The following ABR variants were observed in gnomAD, a reference collection of about 807,000 sequenced individuals.
The protein encoded by ABR is ABR activator of RhoGEF and GTPase, also known as active breakpoint cluster region-related protein.
In ABR, 35 loss-of-function variants were observed where a neutral mutation model predicts 107.2. The ratio of observed to expected loss-of-function variants is 0.33; its 90% CI spans 0.25 to 0.43. The LOEUF (loss-of-function observed/expected upper bound fraction) is 0.43. ABR is among the 20% of genes least tolerant of loss of function. The pLI is 1.00. For missense variants in ABR, 815 were observed against 1,115.2 expected, an observed-to-expected ratio of 0.73 and a Z score of 3.83; for synonymous variants, 498 against 462.0, an observed-to-expected ratio of 1.08 and a Z score of -1.00.
chr17:1,079,752 G>GCAC (rs2036062410), intron 5 of ABR, among the ~76,000 whole-genome samples: 3 of 122,406 alleles, frequency 2.5e-5, no homozygotes, highest in Non-Finnish European at 4.8e-5. Flanking sequence ...TCACACCATT[G>GCAC]CACTCCAGCC....
intron 1 of ABR, among the ~76,000 whole-genome samples, chr17:1,146,883 A>G (rs62069437): frequency 7.3e-6 from 1 of 136,300 alleles, no homozygotes; most frequent in Non-Finnish European, 1.6e-5. Flanking sequence ...GCTACATGAC[A>G]CCACTGCCGC....
chr17:1,087,457 C>T (rs532389704), intron 4 of ABR, among the ~76,000 whole-genome samples: 3 of 152,098 alleles, frequency 2.0e-5, no homozygotes, highest in African/African-American at 7.2e-5. Context: ...TGGGGACGCC[C>T]GGCGTGACGC....
chr17:1,190,243 A>C (rs1283785702), upstream of ABR, among the ~76,000 whole-genome samples: 1 of 152,220 alleles, frequency 6.6e-6, no homozygotes, highest in Non-Finnish European at 1.5e-5. Context: ...CCAACATGGA[A>C]ACGGCATAGA....
chr17:1,049,854 C>T (rs1212203836), intron 16 of ABR, 196 bp downstream of exon 16: 3 of 672,476 alleles, frequency 4.5e-6, no homozygotes, highest in Non-Finnish European at 7.4e-6. Context: ...TGAGGAGCCA[C>T]GCACACGCCT....
intron 1 of ABR, among the ~76,000 whole-genome samples, chr17:1,197,880 TG>T (rs1418487467): frequency 6.6e-6 from 1 of 151,650 alleles, no homozygotes; most frequent in Non-Finnish European, 1.5e-5. Flanking sequence ...TAACTGGAGC[TG>T]GGCTCCTCAG....
chr17:1,050,256 A>C lies in ABR; in HGVS notation c.1660-75T>G. 1.3e-6 allele frequency: 2 copies of C among 1,539,146 alleles called. No individual in the cohort carries two copies. The highest frequency in any genetic ancestry group is 2.2e-5 in the East Asian group (1 of 44,506). ...TGGCTTTCCGGCAGGTGCGTGCCTC[A>C]GCTTTGCAAGGAGGAGGGAGTAAGC... On this transcript the variant is annotated intron_variant, in intron 15 of 22. Transcript: ENST00000302538. The surrounding 1 kb of genome is among the most constrained non-coding windows in gnomAD (Gnocchi z 4.6).
intron 3 of ABR, among the ~76,000 whole-genome samples, chr17:1,093,111 G>A (rs548244549): frequency 1.2e-4 from 18 of 147,914 alleles, no homozygotes; most frequent in African/African-American, 1.5e-4. Context: ...GTGAGCCACC[G>A]CGCCCGGCCA....
chr17:1,054,446 C>G (rs1183769852), intron 14 of ABR, among the ~76,000 whole-genome samples: 1 of 151,636 alleles, frequency 6.6e-6, no homozygotes, highest in Non-Finnish European at 1.5e-5. Context: ...TTGCCCTGAG[C>G]AGGATGGGGG....
intron 2 of ABR, among the ~76,000 whole-genome samples, chr17:1,104,810 G>A (rs2038133953): frequency 6.6e-6 from 1 of 152,162 alleles, no homozygotes; most frequent in Admixed American, 6.5e-5. Flanking sequence ...CCAAATTCCA[G>A]TGGCCCCTCT....
intron 16 of ABR, chr17:1,022,402 T>G (rs1027493021): frequency 2.6e-5 from 4 of 152,484 alleles, no homozygotes; most frequent in African/African-American, 9.7e-5. Context: ...GGCCTGTCAT[T>G]GGGGCAGACC....
In ABR at chr17:1,150,514, G is replaced by A. The variant is rs1040546336; in HGVS notation, c.62-25147C>T. On this transcript the variant is annotated intron_variant, in intron 1 of 22. Transcript: ENST00000302538. This position sits in a 1 kb window ranked among gnomAD's most constrained non-coding sequence, Gnocchi z 4.8. ...CGGCACACGTGTGGGCAATACACAG[G>A]TTGCCCAAGCGCCGAGAGAGGCCCA... 1.6e-4 allele frequency among the ~76,000 whole-genome samples: 25 copies of A among 152,174 alleles called. No individual in the cohort carries two copies. Among genetic ancestry groups the A allele is most frequent in the African/African-American group, 5.8e-4 (24 of 41,450 alleles).
At chr17:1,036,646 C>T (rs1038453638) in intron 16 of ABR, among the ~76,000 whole-genome samples, 13 of 151,992 alleles carry the variant, frequency 8.6e-5, no homozygotes, top group African/African-American at 3.1e-4. Flanking sequence ...GCCCAGCGCC[C>T]ACACAGGGCG....
intron 3 of ABR, among the ~76,000 whole-genome samples, chr17:1,100,122 G>A (rs564536253): frequency 2.8e-4 from 31 of 110,504 alleles, no homozygotes; most frequent in African/African-American, 9.6e-4. Context: ...GCAAAGCTCC[G>A]TCTTAAAAAA....
intron 17 of ABR, 53 bp from the exon 18 acceptor site, chr17:1,012,850 A>AT (rs1567568693): frequency 2.1e-6 from 3 of 1,444,170 alleles, no homozygotes; most frequent in Non-Finnish European, 2.9e-6. Context: ...GTGCCCGAGG[A>AT]ATGCCCCCAA....
chr17:1,202,598 C>T (rs2042691038), intron 1 of ABR, among the ~76,000 whole-genome samples: 1 of 152,158 alleles, frequency 6.6e-6, no homozygotes, highest in South Asian at 2.1e-4. Context: ...CAGCTGCCCC[C>T]TTTTCACATC....
At chr17:1,032,295 T>G (rs7207353) in intron 16 of ABR, among the ~76,000 whole-genome samples, 1 of 152,232 alleles carries the variant, frequency 6.6e-6, no homozygotes, top group Non-Finnish European at 1.5e-5. Context: ...CAGAGCCAGC[T>G]TGGTGACCCG....
chr17:1,151,981 C>T (rs565333660), intron 1 of ABR, among the ~76,000 whole-genome samples: 73 of 149,528 alleles, frequency 4.9e-4, no homozygotes, highest in African/African-American at 1.6e-3. Flanking sequence ...GGGGAAACCC[C>T]GCCTCTACTA....
intron 6 of ABR, 168 bp downstream of exon 6, chr17:1,079,162 G>C: frequency 6.9e-7 from 1 of 1,451,220 alleles, no homozygotes; most frequent in Non-Finnish European, 9.1e-7. Context: ...CCTCGCGTGC[G>C]CGCACACGCG....
intron 14 of ABR, among the ~76,000 whole-genome samples, chr17:1,053,902 C>T (rs1301290471): frequency 6.6e-6 from 1 of 152,186 alleles, no homozygotes; most frequent in Non-Finnish European, 1.5e-5. Context: ...AGAAGCTCCT[C>T]AGCGGCAGCC....
Sources: gnomAD v4.1 joint callset for allele counts (sites outside exome capture counted in the v4.1 genomes callset) on GRCh38, gnomAD v4.1.1 for gene constraint, Gnocchi (gnomAD v3.1) non-coding constraint, MANE v1.5 for transcripts, NCBI Gene and HGNC (gene_info 2026-07-23, HGNC 2026-07-21) for gene names.